Variants in EVI5 observed in about 807,000 individuals in gnomAD.
EVI5 encodes the protein ecotropic viral integration site 5 protein homolog.
EVI5 carries 73 observed loss-of-function variants against 112.0 expected under a neutral mutation model. The observed-to-expected ratio is 0.65, with a 90% confidence interval of 0.54 to 0.79. EVI5 has a LOEUF of 0.79. EVI5 is among the 30% of genes least tolerant of loss of function. The pLI, the probability that EVI5 is intolerant of heterozygous loss-of-function variation, is 0.00. For synonymous variants in EVI5, 305 were observed against 319.9 expected (o/e 0.95, Z 0.50); for missense variants, 900 against 968.8 (o/e 0.93, Z 0.94).
intron 2 of EVI5, among the ~76,000 whole-genome samples, chr1:92,715,425 T>C (rs1411103788): frequency 6.6e-6 from 1 of 152,230 alleles, no homozygotes; most frequent in Non-Finnish European, 1.5e-5. Flanking sequence ...GCTCCTTTTA[T>C]TTCTTCAAGT....
intron 1 of EVI5, among the ~76,000 whole-genome samples, chr1:92,767,650 G>C (rs1035135029): frequency 6.6e-6 from 1 of 152,212 alleles, no homozygotes; most frequent in South Asian, 2.1e-4. Flanking sequence ...ACCAGGTAAA[G>C]CACCATGTTC....
intron 19 of EVI5, among the ~76,000 whole-genome samples, chr1:92,540,817 T>A (rs1467743345): frequency 6.6e-6 from 1 of 152,188 alleles, no homozygotes; most frequent in African/African-American, 2.4e-5. Context: ...CTCATGTCTG[T>A]AATCCCAGCA....
At chr1:92,781,936 C>CA (rs1394355302) in intron 1 of EVI5, among the ~76,000 whole-genome samples, 1 of 101,016 alleles carries the variant, frequency 9.9e-6, no homozygotes, top group Non-Finnish European at 1.8e-5. Flanking sequence ...ACCTGGGCAA[C>CA]AGAGTGAGAT....
At chr1:92,675,124 C>A (rs1666506279) in intron 10 of EVI5, among the ~76,000 whole-genome samples, 1 of 152,306 alleles carries the variant, frequency 6.6e-6, no homozygotes, top group Middle Eastern at 3.4e-3. Context: ...AGGTGGATCG[C>A]CTGCACTCAG....
chr1:92,638,176 G>T (rs1040341382), intron 13 of EVI5, among the ~76,000 whole-genome samples: 5 of 151,922 alleles, frequency 3.3e-5, no homozygotes, highest in African/African-American at 1.2e-4. Context: ...AAACTCAAAG[G>T]CCCATATGAG....
chr1:92,599,573 C>A lies in EVI5; in HGVS notation c.2070+5734G>T, dbSNP rs948460124. 2.6e-5 allele frequency among the ~76,000 whole-genome samples: 4 copies of A among 151,714 alleles called. No individual in the cohort carries two copies. The South Asian group carries it at 8.3e-4, about 32-fold the overall frequency. On this transcript the variant is annotated intron_variant, in intron 18 of 19. Coordinates refer to ENST00000684568, the MANE Select transcript of EVI5 (RefSeq NM_001350197.2). ...ATATACATATAATTAAATATTGAAACCTTAAGACATCTACTGAAAACTCAT... is the reference window on the plus strand; with the variant it reads ...ATATACATATAATTAAATATTGAAAACTTAAGACATCTACTGAAAACTCAT...
intron 18 of EVI5, among the ~76,000 whole-genome samples, chr1:92,565,699 T>C (rs1669328298): frequency 6.6e-6 from 1 of 151,968 alleles, no homozygotes; most frequent in Non-Finnish European, 1.5e-5. Flanking sequence ...CCAGGCGCGG[T>C]GGCTCATGCC....
chr1:92,548,491 G>T (rs1232260969), intron 19 of EVI5, among the ~76,000 whole-genome samples: 1 of 152,106 alleles, frequency 6.6e-6, no homozygotes, highest in Admixed American at 6.6e-5. Flanking sequence ...GGAAGTTCTG[G>T]CCAGGGCAAT....
chr1:92,660,933 A>G (rs994734906), intron 13 of EVI5, among the ~76,000 whole-genome samples: 2 of 152,054 alleles, frequency 1.3e-5, no homozygotes, highest in Non-Finnish European at 2.9e-5. Flanking sequence ...TTTATTACAT[A>G]TAAATTATAC....
At chr1:92,572,049 A>G (rs995382049) in intron 18 of EVI5, among the ~76,000 whole-genome samples, 2 of 152,150 alleles carry the variant, frequency 1.3e-5, no homozygotes, top group African/African-American at 4.8e-5. Flanking sequence ...GTGTAAATGC[A>G]TATTTCACTC....
chr1:92,781,298 A>G, intron 1 of EVI5, among the ~76,000 whole-genome samples: 1 of 152,034 alleles, frequency 6.6e-6, no homozygotes, highest in East Asian at 1.9e-4. Flanking sequence ...CTTGAGCCCA[A>G]GAGTTTGAGA....
chr1:92,607,021 TG>T (rs1650576675), intron 17 of EVI5, among the ~76,000 whole-genome samples: 1 of 152,110 alleles, frequency 6.6e-6, no homozygotes, highest in Admixed American at 6.6e-5. Flanking sequence ...AGAATGTACT[TG>T]CATTCAAATA....
chr1:92,694,679 T>G (rs1031389553), intron 7 of EVI5, among the ~76,000 whole-genome samples: 2 of 152,164 alleles, frequency 1.3e-5, no homozygotes, highest in African/African-American at 4.8e-5. Context: ...AAGAATGGAT[T>G]TCGCACAAAA....
In EVI5 at chr1:92,785,097, T is replaced by C. The variant is rs1685464102; in HGVS notation, c.-343A>G. 2.0e-6 allele frequency: 2 copies of C among 985,066 alleles called. No individual in the cohort carries two copies. The highest frequency in any genetic ancestry group is 9.4e-5 in the South Asian group (2 of 21,266). 61.0% of individuals were successfully genotyped at this position (985,066 alleles called of 1,614,324 possible). On this transcript the variant is annotated 5_prime_UTR_variant, in exon 1 of 20. Coordinates refer to ENST00000684568, the MANE Select transcript of EVI5 (RefSeq NM_001350197.2). ...TCCTCCGGGGTCCGGCCCGGCCGCG[T>C]CAGGAGAGCCCAAGGCGCAGGCGCG... is the stretch of plus-strand genomic sequence containing the variant.
chr1:92,526,160 G>A (rs554634662), intron 19 of EVI5, among the ~76,000 whole-genome samples: 194 of 152,292 alleles, frequency 1.3e-3, no homozygotes, highest in African/African-American at 4.6e-3. Context: ...CCTGGCTCAA[G>A]TGAGCCTTCT....
intron 2 of EVI5, among the ~76,000 whole-genome samples, chr1:92,711,606 G>T (rs1672863194): frequency 6.6e-6 from 1 of 152,140 alleles, no homozygotes; most frequent in African/African-American, 2.4e-5. Flanking sequence ...AGTGAGCCAT[G>T]ATCACACGAC....
chr1:92,726,982 GC>G (rs1675670421), intron 2 of EVI5, among the ~76,000 whole-genome samples: 1 of 151,960 alleles, frequency 6.6e-6, no homozygotes, highest in African/African-American at 2.4e-5. Context: ...GTCAAAGATG[GC>G]AGAATTAAAG....
intron 1 of EVI5, chr1:92,756,344 A>G: frequency 4.0e-6 from 2 of 502,708 alleles, no homozygotes; most frequent in South Asian, 3.0e-5. Flanking sequence ...TAAACACTAC[A>G]CAGCCAAATA....
chr1:92,707,179 C>CAAAAAAAAAA (rs1299441165), intron 2 of EVI5, among the ~76,000 whole-genome samples: 14 of 26,524 alleles, frequency 5.3e-4, no homozygotes, highest in East Asian at 1.0e-3. Context: ...AACTCTGTCT[C>CAAAAAAAAAA]AAAAAAAAAA....
Sources: gnomAD v4.1 joint callset for allele counts (sites outside exome capture counted in the v4.1 genomes callset) on GRCh38, gnomAD v4.1.1 for gene constraint, MANE v1.5 for transcripts, NCBI Gene and HGNC (gene_info 2026-07-23, HGNC 2026-07-21) for gene names.